Variants in PELI2 observed in about 807,000 individuals in gnomAD.
PELI2 encodes E3 ubiquitin-protein ligase pellino homolog 2.
PELI2 carries 23 observed loss-of-function variants against 42.3 expected under a neutral mutation model. That is an observed-to-expected ratio of 0.54 (90% CI 0.39 to 0.77). PELI2 has a LOEUF of 0.77. Ranked by LOEUF, PELI2 falls within the 30% of genes least tolerant of loss-of-function variation. The pLI is 0.00. For synonymous variants in PELI2, 245 were observed against 212.2 expected (o/e 1.15, Z -1.34); for missense variants, 463 against 553.2 (o/e 0.84, Z 1.64).
chr14:56,275,751 C>T (rs1403909472), intron 2 of PELI2, among the ~76,000 whole-genome samples: 2 of 152,196 alleles, frequency 1.3e-5, no homozygotes, highest in East Asian at 3.9e-4. Flanking sequence ...AGGCCACAGA[C>T]TGATAGCAGC....
chr14:56,260,391 A>G (rs1229035826), intron 2 of PELI2, among the ~76,000 whole-genome samples: 2 of 152,208 alleles, frequency 1.3e-5, no homozygotes, highest in Non-Finnish European at 2.9e-5. Context: ...AAGACTACAT[A>G]TTAAGTTTAC....
intron 2 of PELI2, among the ~76,000 whole-genome samples, chr14:56,232,035 T>C (rs80203460): frequency 6.6e-6 from 1 of 152,118 alleles, no homozygotes; most frequent in African/African-American, 2.4e-5. Flanking sequence ...CCTCGACACA[T>C]ACACCCTCCC....
chr14:56,131,974 C>T (rs1049422460), intron 1 of PELI2, among the ~76,000 whole-genome samples: 10 of 152,044 alleles, frequency 6.6e-5, no homozygotes, highest in East Asian at 3.9e-4. Context: ...GAGGGCTGGG[C>T]GGAGGGGATT....
At chr14:56,205,573 C>T (rs1886489464) in intron 2 of PELI2, among the ~76,000 whole-genome samples, 1 of 152,038 alleles carries the variant, frequency 6.6e-6, no homozygotes. Context: ...AGCTTGGAAG[C>T]TTAGATAAAG....
Position 56,279,782 on chromosome 14 carries a change from T to C in PELI2, c.309+5T>C, listed in dbSNP as rs751577342. 15 of 1,479,502 alleles carry C rather than the reference T, an allele frequency of 1.0e-5. No individual in the cohort carries two copies. Among genetic ancestry groups the C allele is most frequent in the Non-Finnish European group, 1.2e-5 (13 of 1,074,170 alleles). 91.6% of individuals were successfully genotyped at this position (1,479,502 alleles called of 1,614,324 possible). On this transcript the variant is annotated splice_donor_5th_base_variant and intron_variant, in intron 3 of 5. Transcript: ENST00000267460. ...AAGGATACGGATATGTTTCAGGTAA[T>C]ATTTTTCTTTTTTAATAGAAATTTT...
At chr14:56,163,515 C>T (rs139913588) in intron 1 of PELI2, among the ~76,000 whole-genome samples, 146 of 151,940 alleles carry the variant, frequency 9.6e-4, no homozygotes, top group African/African-American at 3.2e-3. Context: ...GTGATTTCTC[C>T]GGTTTCATTC....
chr14:56,143,426 G>A (rs761505557), intron 1 of PELI2, among the ~76,000 whole-genome samples: 3 of 152,186 alleles, frequency 2.0e-5, no homozygotes, highest in Admixed American at 6.5e-5. Flanking sequence ...GGGGAGACAC[G>A]TTGAGATGAA....
At chr14:56,128,550 A>G (rs151104320) in intron 1 of PELI2, among the ~76,000 whole-genome samples, 5 of 152,212 alleles carry the variant, frequency 3.3e-5, no homozygotes, top group African/African-American at 7.2e-5. Flanking sequence ...AGATTGGGAA[A>G]GATTTCCTGG....
chr14:56,296,704 G>A lies in PELI2; in HGVS notation c.801G>A (p.Gln267=), dbSNP rs1412826054. 8.1e-6 allele frequency: 13 copies of A among 1,614,030 alleles called. No individual in the cohort carries two copies. The highest frequency in any genetic ancestry group is 8.5e-7 in the Non-Finnish European group (1 of 1,180,018). The change falls in exon 6 of 6, where the codon CAG becomes CAA. Residue 267 remains glutamine (Q), a synonymous_variant. Transcript: ENST00000267460. ...ATGGGCTTTTTCATACTCCAACTCA[G>A]AAGCACATAGAAGCCCTCCGGCAGG... ...TADGLFHTPT[Q]KHIEALRQEI...
chr14:56,138,834 A>G (rs1883786010), intron 1 of PELI2, among the ~76,000 whole-genome samples: 1 of 152,210 alleles, frequency 6.6e-6, no homozygotes, highest in Admixed American at 6.5e-5. Context: ...TAGTGTGATT[A>G]TGGAAACGCT....
intron 1 of PELI2, among the ~76,000 whole-genome samples, chr14:56,130,782 G>A (rs992653713): frequency 6.6e-6 from 1 of 152,104 alleles, no homozygotes; most frequent in African/African-American, 2.4e-5. Flanking sequence ...GGCAGGAAAA[G>A]CTGCCTTTGT....
intron 1 of PELI2, among the ~76,000 whole-genome samples, chr14:56,133,808 A>G (rs1398547969): frequency 6.6e-6 from 1 of 152,112 alleles, no homozygotes; most frequent in Admixed American, 6.5e-5. Flanking sequence ...CCCTCCTTCA[A>G]GCACCACGAC....
chr14:56,229,120 C>G (rs1211568629), intron 2 of PELI2, among the ~76,000 whole-genome samples: 1 of 152,210 alleles, frequency 6.6e-6, no homozygotes, highest in African/African-American at 2.4e-5. Flanking sequence ...TGGGAGGAGC[C>G]CACCGCAGGA....
chr14:56,291,467 TATGCGTCTTACAGTGCACC>T (rs1315593409), intron 5 of PELI2, among the ~76,000 whole-genome samples: 1 of 152,186 alleles, frequency 6.6e-6, no homozygotes, highest in African/African-American at 2.4e-5. Flanking sequence ...AGGCACAGCG[TATGCGTCTTACAGTGCACC>T]ATGGCTGAAT....
At position 56,276,115 on chromosome 14, in the gene PELI2, TC is replaced by T. The variant is rs1325745747; in HGVS notation, c.208-3560del. On this transcript the variant is annotated intron_variant, in intron 2 of 5. Coordinates refer to ENST00000267460, the MANE Select transcript of PELI2 (RefSeq NM_021255.3). Reference sequence around the variant, plus strand: ...AAAATATTGTTGAACAATTGATACTTCTAACAAAAAGTTCAATGCCATATGT... The same window carrying T: ...AAAATATTGTTGAACAATTGATACTTTAACAAAAAGTTCAATGCCATATGT... 2.0e-5 allele frequency among the ~76,000 whole-genome samples: 3 copies of T among 152,318 alleles called. No individual in the cohort carries two copies. The East Asian group carries it at 5.8e-4, about 29-fold the overall frequency.
chr14:56,194,623 C>G (rs569269690), intron 2 of PELI2, among the ~76,000 whole-genome samples: 65 of 152,268 alleles, frequency 4.3e-4, no homozygotes, highest in African/African-American at 1.4e-3. Context: ...ATGTGGAACC[C>G]TCTCTCCATC....
At chr14:56,140,896 T>C (rs1566602387) in intron 1 of PELI2, among the ~76,000 whole-genome samples, 2 of 152,186 alleles carry the variant, frequency 1.3e-5, no homozygotes, top group Non-Finnish European at 2.9e-5. Context: ...GAAAGATGCA[T>C]GAAGCTGGCA....
intron 2 of PELI2, among the ~76,000 whole-genome samples, chr14:56,278,627 GCTAA>G (rs1889375264): frequency 6.6e-6 from 1 of 152,126 alleles, no homozygotes; most frequent in East Asian, 1.9e-4. Flanking sequence ...GATTAACCAG[GCTAA>G]CTAACTTCAG....
chr14:56,260,079 T>C (rs1284463000), intron 2 of PELI2, among the ~76,000 whole-genome samples: 1 of 152,106 alleles, frequency 6.6e-6, no homozygotes, highest in Non-Finnish European at 1.5e-5. Flanking sequence ...TCAGCACTAT[T>C]CCAATAAAAA....
Sources: gnomAD v4.1 joint callset for allele counts (sites outside exome capture counted in the v4.1 genomes callset) on GRCh38, gnomAD v4.1.1 for gene constraint, MANE v1.5 for transcripts, NCBI Gene and HGNC (gene_info 2026-07-23, HGNC 2026-07-21) for gene names.